The following GPC6 variants were observed in gnomAD, a reference collection of about 807,000 sequenced individuals.
GPC6 encodes the protein glypican-6.
In GPC6, 14 loss-of-function variants were observed where a neutral mutation model predicts 55.2. That is an observed-to-expected ratio of 0.25 (90% CI 0.17 to 0.40). GPC6 has a LOEUF of 0.40. GPC6 is among the 10% of genes least tolerant of loss of function. The probability of loss-of-function intolerance (pLI) is 1.00; values close to 1 mark genes in which losing one functional copy is unlikely to be tolerated. For missense variants in GPC6, 641 were observed against 708.5 expected (o/e 0.90, Z 1.08); for synonymous variants, 278 against 259.6 (o/e 1.07, Z -0.68).
intron 1 of GPC6, among the ~76,000 whole-genome samples, chr13:93,296,912 A>G (rs1878514435): frequency 6.6e-6 from 1 of 152,152 alleles, no homozygotes; most frequent in Non-Finnish European, 1.5e-5. Context: ...AACATGGAGG[A>G]GCAGCCATGA....
intron 1 of GPC6, among the ~76,000 whole-genome samples, chr13:93,499,625 C>T (rs181210702): frequency 6.6e-6 from 1 of 152,108 alleles, no homozygotes; most frequent in African/African-American, 2.4e-5. Context: ...GGAGTGAACA[C>T]CTGAATGAAA....
intron 3 of GPC6, among the ~76,000 whole-genome samples, chr13:93,982,370 C>G (rs924316635): frequency 6.6e-6 from 1 of 152,130 alleles, no homozygotes; most frequent in Non-Finnish European, 1.5e-5. Flanking sequence ...CTGGACAAGA[C>G]TCTCTGGAAG....
chr13:94,216,396 CAAG>C (rs1890225963), intron 4 of GPC6, among the ~76,000 whole-genome samples: 3 of 152,090 alleles, frequency 2.0e-5, no homozygotes, highest in Admixed American at 6.6e-5. Flanking sequence ...GAAATACACA[CAAG>C]AAAGTACTTC....
At chr13:94,004,237 G>A (rs566269729) in intron 3 of GPC6, among the ~76,000 whole-genome samples, 1 of 152,078 alleles carries the variant, frequency 6.6e-6, no homozygotes, top group Non-Finnish European at 1.5e-5. Context: ...TGTAGAGAAA[G>A]CAAAAAGTAA....
At chr13:94,273,271 C>T (rs1310550074) in intron 4 of GPC6, among the ~76,000 whole-genome samples, 1 of 152,126 alleles carries the variant, frequency 6.6e-6, no homozygotes, top group Non-Finnish European at 1.5e-5. Context: ...ATGATCATGC[C>T]TCTCTCCATG....
chr13:93,825,723 G>T (rs1887207455), intron 2 of GPC6, among the ~76,000 whole-genome samples: 1 of 152,114 alleles, frequency 6.6e-6, no homozygotes, highest in South Asian at 2.1e-4. Context: ...CATGTGTGTG[G>T]AATGAGAAAG....
intron 3 of GPC6, among the ~76,000 whole-genome samples, chr13:93,906,643 C>T (rs1379826859): frequency 1.3e-5 from 2 of 152,068 alleles, no homozygotes; most frequent in Admixed American, 6.6e-5. Context: ...AAATGAAATT[C>T]AGAGGTAAGA....
intron 1 of GPC6, among the ~76,000 whole-genome samples, chr13:93,423,820 T>G (rs979060502): frequency 6.6e-6 from 1 of 152,088 alleles, no homozygotes; most frequent in African/African-American, 2.4e-5. Flanking sequence ...GTGCTTCATG[T>G]ATAATATCTC....
intron 2 of GPC6, among the ~76,000 whole-genome samples, chr13:93,655,342 C>T (rs1351021062): frequency 6.6e-6 from 1 of 152,054 alleles, no homozygotes; most frequent in African/African-American, 2.4e-5. Context: ...GCAGAGTATT[C>T]CTGCAGGATC....
chr13:93,845,168 C>T (rs1888122726), intron 3 of GPC6, among the ~76,000 whole-genome samples: 1 of 152,056 alleles, frequency 6.6e-6, no homozygotes, highest in African/African-American at 2.4e-5. Context: ...GTAGTTTTTT[C>T]CAACTCTGTG....
At chr13:94,022,832 C>A (rs1357807076) in intron 3 of GPC6, among the ~76,000 whole-genome samples, 1 of 151,994 alleles carries the variant, frequency 6.6e-6, no homozygotes, top group Non-Finnish European at 1.5e-5. Flanking sequence ...TGTTGGGAAC[C>A]TTTTCATGTT....
In GPC6 at chr13:93,599,450, C is replaced by T. The variant is rs757140495; in HGVS notation, c.319+54029C>T. ...GAAATTTGAGAGCATTTTCAGGGCC[C>T]GTTGGAATTGAAGTCACTACATTCT... On this transcript the variant is annotated intron_variant, in intron 2 of 8. Coordinates refer to ENST00000377047, the MANE Select transcript of GPC6 (RefSeq NM_005708.5). 3.6e-4 allele frequency among the ~76,000 whole-genome samples: 54 copies of T among 152,088 alleles called. 1 individual carries two copies. Among genetic ancestry groups the T allele is most frequent in the African/African-American group, 1.2e-3 (51 of 41,486 alleles).
chr13:93,989,830 A>G (rs534316833), intron 3 of GPC6, among the ~76,000 whole-genome samples: 3 of 151,830 alleles, frequency 2.0e-5, no homozygotes, highest in Non-Finnish European at 2.9e-5. Context: ...ATGAAGTGGA[A>G]TTTGAAGAAT....
intron 4 of GPC6, among the ~76,000 whole-genome samples, chr13:94,175,408 T>C (rs1888712824): frequency 6.6e-6 from 1 of 152,206 alleles, no homozygotes; most frequent in Admixed American, 6.5e-5. Flanking sequence ...CTTTGCCAAT[T>C]CCTACTCTAT....
chr13:93,591,684 G>A (rs1189748823), intron 2 of GPC6, among the ~76,000 whole-genome samples: 1 of 152,068 alleles, frequency 6.6e-6, no homozygotes. Flanking sequence ...TGTACTGTAT[G>A]TAATACAACA....
intron 1 of GPC6, among the ~76,000 whole-genome samples, chr13:93,510,528 T>G (rs772376207): frequency 1.8e-4 from 27 of 152,118 alleles, no homozygotes; most frequent in Non-Finnish European, 2.8e-4. Context: ...GAGTATTCCA[T>G]TGTGTATATA....
intron 2 of GPC6, among the ~76,000 whole-genome samples, chr13:93,775,094 T>C (rs1312506316): frequency 2.6e-5 from 4 of 152,354 alleles, no homozygotes; most frequent in East Asian, 1.9e-4. Flanking sequence ...TCTGTACTTA[T>C]TGCTAATGTT....
At chr13:93,847,942 A>C (rs1362180724) in intron 3 of GPC6, among the ~76,000 whole-genome samples, 2 of 152,124 alleles carry the variant, frequency 1.3e-5, no homozygotes, top group African/African-American at 4.8e-5. Flanking sequence ...TCTCTTCGTT[A>C]AATTAATTTA....
intron 2 of GPC6, among the ~76,000 whole-genome samples, chr13:93,756,460 T>C (rs192820296): frequency 9.2e-5 from 14 of 152,268 alleles, no homozygotes; most frequent in Admixed American, 2.6e-4. Context: ...TTTCTTGTGG[T>C]GATTACAAAA....
Sources: gnomAD v4.1 joint callset for allele counts (sites outside exome capture counted in the v4.1 genomes callset) on GRCh38, gnomAD v4.1.1 for gene constraint, MANE v1.5 for transcripts, NCBI Gene and HGNC (gene_info 2026-07-23, HGNC 2026-07-21) for gene names.